Variants in AFM observed in about 807,000 individuals in gnomAD.
AFM encodes afamin.
In AFM, 82 loss-of-function variants were observed where a neutral mutation model predicts 68.7. That is an observed-to-expected ratio of 1.19 (90% CI 1.00 to 1.43). The LOEUF is 1.43. Among genes scored for constraint, AFM ranks in the 40% most tolerant of loss-of-function variants. AFM has a pLI of 0.00. For synonymous variants in AFM, 250 were observed against 234.2 expected, an observed-to-expected ratio of 1.07 and a Z score of -0.61; for missense variants, 772 against 701.8, an observed-to-expected ratio of 1.10 and a Z score of -1.13.
chr4:73,499,126 G>A lies in AFM; in HGVS notation c.1302G>A (p.Arg434=). ...AATGTTCTTTCAGTTACCTCATCAG[G>A]CTCACGAAGATAGCTCCCCAACTCT... ...KDGLKYHYLI[R]LTKIAPQLST... Residue 434 remains arginine, a synonymous_variant, in exon 11 of 15, where the codon AGG becomes AGA. Transcript: ENST00000226355. 6.2e-7 allele frequency: 1 copy of A among 1,612,090 alleles called. No individual in the cohort carries two copies. The highest frequency in any genetic ancestry group is 8.5e-7 in the Non-Finnish European group (1 of 1,179,036).
intron 9 of AFM, among the ~76,000 whole-genome samples, chr4:73,496,291 C>CAATAA (rs1721254604): frequency 6.6e-6 from 1 of 152,086 alleles, no homozygotes; most frequent in African/African-American, 2.4e-5. Context: ...GATGGTATCC[C>CAATAA]ATCATAATTA....
chr4:73,503,483 A>T (rs111232997), intron 14 of AFM, among the ~76,000 whole-genome samples: 3 of 152,284 alleles, frequency 2.0e-5, no homozygotes, highest in African/African-American at 7.2e-5. Flanking sequence ...TGAGGTGGGC[A>T]GACAGACCTC....
chr4:73,496,172 AG>A (rs1207015099), intron 9 of AFM, among the ~76,000 whole-genome samples: 2 of 152,252 alleles, frequency 1.3e-5, no homozygotes, highest in Non-Finnish European at 2.9e-5. Context: ...ATCAGGTGTC[AG>A]AAGGGCTGTG....
At chr4:73,500,541 C>A (rs1721399877) in intron 12 of AFM, among the ~76,000 whole-genome samples, 1 of 152,074 alleles carries the variant, frequency 6.6e-6, no homozygotes, top group Non-Finnish European at 1.5e-5. Context: ...GAGGGAATGC[C>A]CGGAGAATAT....
intron 7 of AFM, among the ~76,000 whole-genome samples, chr4:73,491,385 G>T (rs1266960442): frequency 2.0e-5 from 3 of 152,108 alleles, no homozygotes; most frequent in Non-Finnish European, 2.9e-5. Flanking sequence ...TCGTCATCTG[G>T]TAGTTGCTGT....
At chr4:73,493,244 A>G (rs1484344873) in intron 8 of AFM, among the ~76,000 whole-genome samples, 1 of 152,226 alleles carries the variant, frequency 6.6e-6, no homozygotes, top group Non-Finnish European at 1.5e-5. Context: ...ATGCCACTGA[A>G]TGGTTTTAAT....
rs762675974 is a variant in AFM, at chr4:73,487,061, T to C, written c.577T>C (p.Cys193Arg). ...TTTTGAGGAGGTGGCCAAATCATGT[T>C]GTGAAGAACAAAACAAAGTCAACTG... is the stretch of plus-strand genomic sequence containing the variant. Reference protein sequence around the residue: ...VHFEEVAKSCCEEQNKVNCLQ... With the variant: ...VHFEEVAKSCREEQNKVNCLQ... The change falls in exon 5 of 15, where the codon TGT (cysteine) becomes CGT (arginine). Residue 193 changes from cysteine (C) to arginine (R), a missense_variant. Cys to Arg is a radical substitution (Grantham distance 180). Coordinates refer to ENST00000226355, the MANE Select transcript of AFM (RefSeq NM_001133.2). 6.2e-7 allele frequency: 1 copy of C among 1,613,964 alleles called. No individual in the cohort carries two copies. Among genetic ancestry groups the C allele is most frequent in the African/African-American group, 1.3e-5 (1 of 74,930 alleles).
At position 73,484,489 on chromosome 4, in the gene AFM, T is replaced by C. The variant is rs149854280; in HGVS notation, c.270+99T>C. 2.6e-3 allele frequency: 2,019 copies of C among 789,126 alleles called. 2 individuals are homozygous for C. Among genetic ancestry groups the C allele is most frequent in the Non-Finnish European group, 3.4e-3 (1,869 of 543,506 alleles). 48.9% of individuals were successfully genotyped at this position (789,126 alleles called of 1,614,324 possible). On this transcript the variant is annotated intron_variant, in intron 3 of 14. Coordinates refer to ENST00000226355, the MANE Select transcript of AFM (RefSeq NM_001133.2). Reference sequence around the variant, plus strand: ...TTCTTTCTTTCTTTCTTTCTTTCTTTCTTTCTTTCTTTCTTTCATTCTTTC... The same window carrying C: ...TTCTTTCTTTCTTTCTTTCTTTCTTCCTTTCTTTCTTTCTTTCATTCTTTC...
chr4:73,488,585 C>G, intron 6 of AFM, 45 bp from the exon 7 acceptor site: 1 of 1,562,322 alleles, frequency 6.4e-7, no homozygotes, highest in Non-Finnish European at 8.7e-7. Context: ...ACTTGTTCTA[C>G]TTGCTGTTCA....
intron 10 of AFM, 49 bp downstream of exon 10, chr4:73,497,798 C>A: frequency 8.5e-7 from 1 of 1,181,214 alleles, no homozygotes; most frequent in Non-Finnish European, 1.2e-6. Context: ...GAATTGAATA[C>A]ATAATCCCTC....
Position 73,501,476 on chromosome 4 carries a change from G to T in AFM, c.1647-311G>T, listed in dbSNP as rs146562876. 8.6e-5 allele frequency among the ~76,000 whole-genome samples: 13 copies of T among 151,942 alleles called. No homozygotes were observed. In the South Asian group the frequency reaches 1.0e-3, roughly 12 times the overall value. ...TTTCCTACTATACTACTGAATACTA[G>T]AACTTATTACTGCTATCTAATTGTA... On this transcript the variant is annotated intron_variant, in intron 12 of 14. Transcript: ENST00000226355.
intron 11 of AFM, among the ~76,000 whole-genome samples, 198 bp from the exon 12 acceptor site, chr4:73,499,806 T>C (rs1269374617): frequency 6.6e-6 from 1 of 152,162 alleles, no homozygotes; most frequent in African/African-American, 2.4e-5. Flanking sequence ...TTCTTATGGC[T>C]TGGATTTTGG....
rs1206198451 is a variant in AFM at position 73,503,075 on chromosome 4, A to C, written c.*5A>C. On this transcript the variant is annotated 3_prime_UTR_variant, in exon 14 of 15. Transcript: ENST00000226355. ...AGTCCAAAAATTGGCAACTGAAGCC[A>C]GCTGCTGGAGATATGTAAAGAAAAA... The C allele has an allele frequency of 6.2e-7, 1 of 1,613,146 alleles. No homozygotes were observed. The highest frequency in any genetic ancestry group is 1.7e-5 in the Admixed American group (1 of 59,904).
At chr4:73,489,571 C>T (rs1271809091) in intron 7 of AFM, among the ~76,000 whole-genome samples, 1 of 152,108 alleles carries the variant, frequency 6.6e-6, no homozygotes, top group Non-Finnish European at 1.5e-5. Context: ...CATTGAATCA[C>T]TATGATGTAC....
At chr4:73,482,017 T>G (rs1720728361) in intron 1 of AFM, among the ~76,000 whole-genome samples, 154 bp downstream of exon 1, 1 of 152,206 alleles carries the variant, frequency 6.6e-6, no homozygotes, top group African/African-American at 2.4e-5. Flanking sequence ...ACTAACCTTT[T>G]CAGAATTTTT....
chr4:73,488,490 A>C (rs1290714587), intron 6 of AFM, 140 bp from the exon 7 acceptor site: 1 of 685,262 alleles, frequency 1.5e-6, no homozygotes, highest in Non-Finnish European at 2.3e-6. Context: ...CAACTATTTG[A>C]TAAAGACTTC....
At chr4:73,485,676 A>T (rs1456378303) in intron 3 of AFM, among the ~76,000 whole-genome samples, 186 bp from the exon 4 acceptor site, 1 of 114,516 alleles carries the variant, frequency 8.7e-6, no homozygotes, top group East Asian at 2.9e-4. Context: ...GAGGAGGAGG[A>T]GGTGGAAGAG....
chr4:73,500,698 C>T (rs4311283), intron 12 of AFM, among the ~76,000 whole-genome samples: 2,671 of 152,252 alleles, frequency 0.018, 27 homozygotes, highest in Non-Finnish European at 0.026. Context: ...CAACATTCAG[C>T]TACCAAATAT....
At chr4:73,488,864 G>C in intron 7 of AFM, 105 bp downstream of exon 7, 2 of 1,080,352 alleles carry the variant, frequency 1.9e-6, no homozygotes, top group Non-Finnish European at 2.7e-6. Context: ...AATGAAATCA[G>C]AATGTGATTT....
Sources: allele counts gnomAD v4.1 joint callset (sites outside exome capture counted in the v4.1 genomes callset), GRCh38; gene constraint gnomAD v4.1.1; transcripts MANE v1.5; gene names NCBI Gene and HGNC (gene_info 2026-07-23, HGNC 2026-07-21).